The following ITPR2 variants were observed in gnomAD, a reference collection of about 807,000 sequenced individuals.
ITPR2 encodes the protein inositol 1,4,5-trisphosphate receptor type 2.
ITPR2 carries 207 observed loss-of-function variants against 317.1 expected under a neutral mutation model. The observed-to-expected ratio is 0.65, with a 90% CI of 0.58 to 0.73. The LOEUF is 0.73. Ranked by LOEUF, ITPR2 falls within the 30% of genes least tolerant of loss-of-function variation. The pLI is 0.00. For synonymous variants in ITPR2, 1,156 were observed against 1,149.1 expected, an observed-to-expected ratio of 1.01 and a Z score of -0.12; for missense variants, 2,613 against 3,284.0, an observed-to-expected ratio of 0.80 and a Z score of 4.99.
At chr12:26,420,139 A>T (rs573435085) in intron 49 of ITPR2, among the ~76,000 whole-genome samples, 77 of 152,288 alleles carry the variant, frequency 5.1e-4, no homozygotes, top group African/African-American at 1.8e-3. Flanking sequence ...CTGATTTATA[A>T]ACTTAGCACC....
chr12:26,822,776 C>T (rs1489003327), intron 1 of ITPR2, among the ~76,000 whole-genome samples: 5 of 152,230 alleles, frequency 3.3e-5, no homozygotes, highest in Admixed American at 2.6e-4. Flanking sequence ...GTAAATTCAC[C>T]GCATGTGACA....
intron 43 of ITPR2, among the ~76,000 whole-genome samples, chr12:26,480,529 C>T (rs1165813901): frequency 1.3e-4 from 20 of 152,148 alleles, no homozygotes; most frequent in South Asian, 1.2e-3. Context: ...TTTGCTTCTC[C>T]CTATAATGAA....
chr12:26,664,528 C>T (rs1161382815), intron 14 of ITPR2, among the ~76,000 whole-genome samples: 2 of 152,090 alleles, frequency 1.3e-5, no homozygotes, highest in East Asian at 3.9e-4. Flanking sequence ...GGAGGGATCA[C>T]CTGGAGATGA....
intron 34 of ITPR2, among the ~76,000 whole-genome samples, chr12:26,574,828 T>A (rs887789721): frequency 6.6e-5 from 10 of 151,940 alleles, no homozygotes; most frequent in Admixed American, 5.2e-4. Flanking sequence ...AGTCCCAAAC[T>A]TTTAAACAAC....
intron 15 of ITPR2, among the ~76,000 whole-genome samples, chr12:26,662,758 G>A (rs931995993): frequency 6.6e-6 from 1 of 151,966 alleles, no homozygotes; most frequent in Non-Finnish European, 1.5e-5. Flanking sequence ...CTACAGCCTC[G>A]AACTCCTAGG....
At chr12:26,612,304 G>A (rs1946285858) in intron 26 of ITPR2, among the ~76,000 whole-genome samples, 1 of 152,144 alleles carries the variant, frequency 6.6e-6, no homozygotes, top group Non-Finnish European at 1.5e-5. Context: ...TATCTAAGCA[G>A]GCACAAAGTT....
intron 50 of ITPR2, among the ~76,000 whole-genome samples, chr12:26,418,240 T>C (rs1343836990): frequency 6.6e-6 from 1 of 152,198 alleles, no homozygotes; most frequent in Non-Finnish European, 1.5e-5. Flanking sequence ...AAAATGTTTT[T>C]AGATGTTTAA....
chr12:26,424,900 C>T lies in ITPR2; in HGVS notation c.6945+3013G>A, dbSNP rs370000894. Among the ~76,000 whole-genome samples the T allele has an allele frequency of 2.0e-5, 3 of 152,060 alleles. No homozygotes were observed. The East Asian group carries it at 5.8e-4, about 29-fold the overall frequency. ...TCAGCCTCTGGAGTAGCTGGGACTA[C>T]AGGTACGCACCATCATGCCATACTA... is the stretch of plus-strand genomic sequence containing the variant. On this transcript the variant is annotated intron_variant, in intron 49 of 56. Coordinates refer to ENST00000381340, the MANE Select transcript of ITPR2 (RefSeq NM_002223.4).
chr12:26,707,228 T>C (rs1948567426), intron 9 of ITPR2, among the ~76,000 whole-genome samples: 1 of 152,198 alleles, frequency 6.6e-6, no homozygotes, highest in Admixed American at 6.5e-5. Context: ...AAGAAACATA[T>C]ATTGAAGGTT....
chr12:26,646,489 G>T (rs1315740484), intron 21 of ITPR2, among the ~76,000 whole-genome samples: 2 of 152,164 alleles, frequency 1.3e-5, no homozygotes, highest in African/African-American at 4.8e-5. Flanking sequence ...GTGGCTCTTT[G>T]CCAGGAGATG....
intron 21 of ITPR2, among the ~76,000 whole-genome samples, chr12:26,633,519 C>T (rs755036156): frequency 9.2e-5 from 14 of 152,156 alleles, no homozygotes; most frequent in South Asian, 2.1e-4. Context: ...CCAAAAAACA[C>T]GACAAAATGT....
At chr12:26,395,506 G>C (rs1939968883) in intron 54 of ITPR2, among the ~76,000 whole-genome samples, 2 of 152,174 alleles carry the variant, frequency 1.3e-5, no homozygotes, top group African/African-American at 4.8e-5. Flanking sequence ...TCATGTCTTA[G>C]AATGAGGCTT....
At chr12:26,652,659 A>C (rs1167635424) in intron 21 of ITPR2, among the ~76,000 whole-genome samples, 1 of 152,198 alleles carries the variant, frequency 6.6e-6, no homozygotes, top group Admixed American at 6.5e-5. Context: ...GATGAAGCCA[A>C]GTAGCTAATA....
intron 1 of ITPR2, among the ~76,000 whole-genome samples, chr12:26,827,958 T>C (rs1951033568): frequency 6.6e-6 from 1 of 152,228 alleles, no homozygotes; most frequent in South Asian, 2.1e-4. Flanking sequence ...CATGCAAAAA[T>C]ATAAGCATAA....
At chr12:26,656,597 T>G in intron 18 of ITPR2, 49 bp from the exon 19 acceptor site, 1 of 1,591,182 alleles carries the variant, frequency 6.3e-7, no homozygotes, top group Non-Finnish European at 8.6e-7. Flanking sequence ...CAAGGAAATC[T>G]TTAAACGTCA....
chr12:26,527,016 C>A (rs1321728959), intron 37 of ITPR2, among the ~76,000 whole-genome samples: 1 of 152,144 alleles, frequency 6.6e-6, no homozygotes, highest in Non-Finnish European at 1.5e-5. Context: ...TATCCTAGTA[C>A]CAAACAGCCC....
intron 34 of ITPR2, among the ~76,000 whole-genome samples, chr12:26,564,203 A>C (rs1442572849): frequency 6.6e-6 from 1 of 152,222 alleles, no homozygotes. Context: ...AAAGATCAAA[A>C]AGCAGAATAA....
chr12:26,697,698 A>G (rs1368509448), intron 9 of ITPR2, among the ~76,000 whole-genome samples: 1 of 152,118 alleles, frequency 6.6e-6, no homozygotes, highest in Non-Finnish European at 1.5e-5. Flanking sequence ...AATTCCAGCT[A>G]CTTGGGAAGC....
chr12:26,811,362 G>A (rs1950741194), intron 1 of ITPR2, among the ~76,000 whole-genome samples: 1 of 152,228 alleles, frequency 6.6e-6, no homozygotes, highest in African/African-American at 2.4e-5. Context: ...TGTAATCCCA[G>A]CACTTTGGGA....
Sources: gnomAD v4.1 joint callset for allele counts (sites outside exome capture counted in the v4.1 genomes callset) on GRCh38, gnomAD v4.1.1 for gene constraint, MANE v1.5 for transcripts, NCBI Gene and HGNC (gene_info 2026-07-23, HGNC 2026-07-21) for gene names.